Variants in PDZD9 observed in about 807,000 individuals in gnomAD.
PDZD9 encodes PDZ domain containing 9.
Under a neutral mutation model 16.3 loss-of-function variants are expected in PDZD9, and 13 were observed. That is an observed-to-expected ratio of 0.80 (90% confidence interval 0.52 to 1.27). The LOEUF (loss-of-function observed/expected upper bound fraction) is 1.27, where lower values mean the gene tolerates loss of function less well. PDZD9 is among the 50% of genes most tolerant of loss of function. The pLI is 0.00. For missense variants in PDZD9, 288 were observed against 310.9 expected (o/e 0.93, Z 0.55); for synonymous variants, 120 against 111.0 (o/e 1.08, Z -0.51).
intron 3 of PDZD9, among the ~76,000 whole-genome samples, chr16:21,987,402 A>G (rs1898903972): frequency 2.0e-5 from 3 of 152,174 alleles, no homozygotes; most frequent in African/African-American, 7.2e-5. Context: ...CCTGGGTGAC[A>G]AGAGCAAAAC....
At chr16:21,997,713 C>A (rs1157087428) in intron 1 of PDZD9, among the ~76,000 whole-genome samples, 1 of 152,170 alleles carries the variant, frequency 6.6e-6, no homozygotes, top group Non-Finnish European at 1.5e-5. Flanking sequence ...ATTTCAGGGA[C>A]TAAAAGGACA....
chr16:21,985,383 T>C (rs1202690022), intron 3 of PDZD9, among the ~76,000 whole-genome samples: 1 of 152,180 alleles, frequency 6.6e-6, no homozygotes, highest in Non-Finnish European at 1.5e-5. Context: ...CAAGCAATCT[T>C]TACTTTGGCC....
downstream of PDZD9, chr16:21,983,202 A>G (rs779692789): frequency 3.8e-6 from 6 of 1,581,616 alleles, no homozygotes; most frequent in Admixed American, 1.0e-4. Context: ...GAGAGAGCTG[A>G]ACGTTCTCTC....
chr16:21,971,715 T>C, the PDZD9 span: 1 of 1,387,740 alleles, frequency 7.2e-7, no homozygotes, highest in Admixed American at 1.8e-5. Flanking sequence ...TATTTACTAC[T>C]GAACAGTCTC....
the PDZD9 span, chr16:21,971,669 C>T: frequency 6.4e-6 from 10 of 1,570,914 alleles, no homozygotes; most frequent in Non-Finnish European, 8.7e-6. Context: ...GGCGTTTCCC[C>T]ACTAGAATAG....
At chr16:21,978,604 A>G in the PDZD9 span, among the ~76,000 whole-genome samples, 9 of 152,186 alleles carry the variant, frequency 5.9e-5, no homozygotes, top group Admixed American at 5.9e-4. Flanking sequence ...CTTACATTAA[A>G]ATAGTTTTAC....
At chr16:21,988,227 CTCGATTTCGTGACCTCA>C in intron 3 of PDZD9, among the ~76,000 whole-genome samples, 1 of 151,984 alleles carries the variant, frequency 6.6e-6, no homozygotes, top group South Asian at 2.1e-4. Flanking sequence ...CCAGGATGGT[CTCGATTTCGTGACCTCA>C]TGATCCACCC....
the PDZD9 span, chr16:21,973,967 T>G: frequency 1.9e-6 from 3 of 1,607,932 alleles, no homozygotes; most frequent in Non-Finnish European, 2.5e-6. Flanking sequence ...AGGCCACAGC[T>G]GCTGGAGATG....
the PDZD9 span, among the ~76,000 whole-genome samples, chr16:21,964,303 A>G: frequency 6.6e-6 from 1 of 152,140 alleles, no homozygotes; most frequent in Admixed American, 6.6e-5. Flanking sequence ...GCCTGCATCT[A>G]TTCTGCCTGA....
the PDZD9 span, among the ~76,000 whole-genome samples, chr16:21,957,907 G>C: frequency 6.6e-6 from 1 of 152,178 alleles, no homozygotes; most frequent in African/African-American, 2.4e-5. Context: ...TGCAGTCTCT[G>C]CCTTTGTTGT....
the PDZD9 span, among the ~76,000 whole-genome samples, chr16:21,960,499 C>T: frequency 1.3e-5 from 2 of 152,144 alleles, no homozygotes; most frequent in South Asian, 4.1e-4. Flanking sequence ...GTCTGTCTTG[C>T]TTTCATATCA....
chr16:21,962,695 A>G, the PDZD9 span: 1 of 1,608,874 alleles, frequency 6.2e-7, no homozygotes, highest in Admixed American at 1.7e-5. Flanking sequence ...CATTACAGCT[A>G]TGTAGAATCT....
At chr16:21,971,480 T>C in the PDZD9 span, 6 of 1,447,688 alleles carry the variant, frequency 4.1e-6, no homozygotes, top group Non-Finnish European at 5.7e-6. Context: ...CGATTGTGTT[T>C]TAGTAATTGT....
the PDZD9 span, chr16:21,963,062 C>T: frequency 1.4e-6 from 1 of 693,238 alleles, no homozygotes; most frequent in South Asian, 2.4e-5. Context: ...GATCTTGGCT[C>T]ACTGCAACCT....
Position 22,001,038 on chromosome 16 carries a change from C to A in PDZD9, c.10G>T (p.Ala4Ser). ...TTACCTTTTTTGTTTTTGTGGGAGG[C>A]CTTCTGCATGGTCCCGGGAGGTCAG... MQK[A>S]SHKNKKERGV... The change falls in exon 1 of 4, where the codon GCC (alanine) becomes TCC (serine). Residue 4 changes from alanine (A) to serine (S), a missense_variant. Transcript: ENST00000424898. The A allele has an allele frequency of 6.5e-7, 1 of 1,532,238 alleles. No individual in the cohort carries two copies. The highest frequency in any genetic ancestry group is 2.5e-5 in the East Asian group (1 of 40,534). 94.9% of individuals were successfully genotyped at this position (1,532,238 alleles called of 1,614,324 possible).
At chr16:21,979,453 T>C (rs1898662928), downstream of PDZD9, among the ~76,000 whole-genome samples, 1 of 152,224 alleles carries the variant, frequency 6.6e-6, no homozygotes, top group Admixed American at 6.5e-5. Context: ...TGGTATAGCC[T>C]ACTACACACA....
At chr16:21,968,509 A>G in the PDZD9 span, 994 of 808,168 alleles carry the variant, frequency 1.2e-3, 10 homozygotes, top group African/African-American at 0.016. Context: ...CTTGTAGTTC[A>G]TTACAGCAAC....
In PDZD9 at chr16:21,984,150, A is replaced by G; in HGVS notation, c.*117T>C. ...TCTAAAGGCTTTATAACGCAGTCAT[A>G]AGAGAAGAGAATTGGTGAGTCTACA... On this transcript the variant is annotated 3_prime_UTR_variant, in exon 4 of 4. Transcript: ENST00000424898. 1 of 1,144,090 alleles carries G rather than the reference A, an allele frequency of 8.7e-7. No individual in the cohort carries two copies. Among genetic ancestry groups the G allele is most frequent in the Non-Finnish European group, 1.2e-6 (1 of 811,424 alleles). 70.9% of individuals were successfully genotyped at this position (1,144,090 alleles called of 1,614,324 possible).
At chr16:21,988,383 C>G (rs1192325821) in intron 3 of PDZD9, among the ~76,000 whole-genome samples, 1 of 152,058 alleles carries the variant, frequency 6.6e-6, no homozygotes, top group Non-Finnish European at 1.5e-5. Context: ...AAATTCCCAA[C>G]CGATGACTTG....
Sources: allele counts gnomAD v4.1 joint callset (sites outside exome capture counted in the v4.1 genomes callset), GRCh38; gene constraint gnomAD v4.1.1; transcripts MANE v1.5; gene names NCBI Gene and HGNC (gene_info 2026-07-23, HGNC 2026-07-21).